Variants in NUPR1 observed in about 807,000 individuals in gnomAD.
NUPR1 encodes the protein nuclear protein 1.
Under a neutral mutation model 7.3 loss-of-function variants are expected in NUPR1, and 8 were observed. That is an observed-to-expected ratio of 1.09 (90% CI 0.64 to 1.97). The LOEUF is 1.97. Ranked by LOEUF, NUPR1 falls within the 30% of genes most tolerant of loss-of-function variation. NUPR1 has a pLI of 0.00. For missense variants in NUPR1, 96 were observed against 111.7 expected (o/e 0.86, Z 0.63); for synonymous variants, 39 against 44.5 (o/e 0.88, Z 0.49).
At chr16:28,538,318 A>T in intron 1 of NUPR1, 163 bp from the exon 2 acceptor site, 2 of 963,470 alleles carry the variant, frequency 2.1e-6, no homozygotes, top group Non-Finnish European at 3.1e-6. Context: ...GTGAGGTCCC[A>T]GGCTGAGTAA....
In NUPR1 at chr16:28,537,117, TTTCC is replaced by T. The variant is rs2046629180; in HGVS notation, c.*562_*565del. 6.6e-6 allele frequency: 1 copy of T among 152,220 alleles called. No homozygotes were observed. The highest frequency in any genetic ancestry group is 1.5e-5 in the Non-Finnish European group (1 of 68,072). The allele number at this position is 152,220 out of a possible 1,614,324, so 9.4% of individuals were successfully genotyped here. ...ATCGCAAAAAAGCAGAAGAAATTCC[TTTCC>T]ACTACGTAGGAGCCCACAGAAATGT... On this transcript the variant is annotated 3_prime_UTR_variant, in exon 3 of 3. Coordinates refer to ENST00000324873, the MANE Select transcript of NUPR1 (RefSeq NM_012385.3).
At chr16:28,537,817 T>C (rs930637922) in intron 2 of NUPR1, 148 bp from the exon 3 acceptor site, 2 of 558,752 alleles carry the variant, frequency 3.6e-6, no homozygotes, top group East Asian at 5.7e-5. Flanking sequence ...TTCCCTTCAA[T>C]TGGAAAGGTT....
chr16:28,538,524 A>C, intron 1 of NUPR1: 1 of 591,434 alleles, frequency 1.7e-6, no homozygotes, highest in Middle Eastern at 4.5e-4. Context: ...ACCCCATCTC[A>C]CCACTGCAGG....
intron 1 of NUPR1, chr16:28,538,448 G>A: frequency 3.5e-6 from 2 of 577,638 alleles, no homozygotes; most frequent in South Asian, 4.0e-5. Flanking sequence ...TCAGCACTTT[G>A]GGAGGCCAAG....
chr16:28,538,539 G>A (rs1363304936), intron 1 of NUPR1: 3 of 620,102 alleles, frequency 4.8e-6, no homozygotes, highest in Non-Finnish European at 5.8e-6. Context: ...TGCAGGTGGT[G>A]TACACCTGAA....
rs951460691 is a variant in NUPR1 at position 28,533,278 on chromosome 16, G to A, written c.*4405C>T. 7.9e-5 allele frequency: 12 copies of A among 151,252 alleles called. No individual in the cohort carries two copies. Among genetic ancestry groups the A allele is most frequent in the African/African-American group, 2.7e-4 (11 of 40,508 alleles). 9.4% of individuals were successfully genotyped at this position (151,252 alleles called of 1,614,324 possible). On this transcript the variant is annotated 3_prime_UTR_variant, in exon 3 of 3. Coordinates refer to ENST00000324873, the MANE Select transcript of NUPR1 (RefSeq NM_012385.3). ...AGGCAAAATCTGAAGGATTTCCAAG[G>A]TAGACTGTAAGATTCTGGGCCCAGG...
rs2046607917 is a variant in NUPR1, at chr16:28,535,555, C to CCTTCT, written c.*2127_*2128insAGAAG. The CCTTCT allele has an allele frequency of 3.3e-5, 1 of 30,274 alleles. No homozygotes were observed. Among genetic ancestry groups the CCTTCT allele is most frequent in the Non-Finnish European group, 8.8e-5 (1 of 11,408 alleles). The allele number at this position is 30,274 out of a possible 1,614,324, so 1.9% of individuals were successfully genotyped here. On this transcript the variant is annotated 3_prime_UTR_variant, in exon 3 of 3. Coordinates refer to ENST00000324873, the MANE Select transcript of NUPR1 (RefSeq NM_012385.3). ...TCTTTCTTTCTTTCCTTCTTTCTTT[C>CCTTCT]TTTCTTTCCTTCCTTCCTTTCTTTC...
Position 28,535,560 on chromosome 16 carries a change from T to TTCCTTCCTTCCTTCCTTCC in NUPR1, c.*2122_*2123insGGAAGGAAGGAAGGAAGGA, listed in dbSNP as rs2046608417. On this transcript the variant is annotated 3_prime_UTR_variant, in exon 3 of 3. Coordinates refer to ENST00000324873, the MANE Select transcript of NUPR1 (RefSeq NM_012385.3). ...CTTTCTTTCCTTCTTTCTTTCTTTC[T>TTCCTTCCTTCCTTCCTTCC]TTCCTTCCTTCCTTTCTTTCTTTCT... 15 of 64,284 alleles carry TTCCTTCCTTCCTTCCTTCC rather than the reference T, an allele frequency of 2.3e-4. No individual in the cohort carries two copies. The East Asian group carries it at 4.1e-3, about 18-fold the overall frequency. 4.0% of individuals were successfully genotyped at this position (64,284 alleles called of 1,614,324 possible).
At position 28,538,841 on chromosome 16, in the gene NUPR1, T is replaced by A; in HGVS notation, c.67A>T (p.Ser23Cys). Residue 23 changes from serine (S) to cysteine (C), a missense_variant, in exon 1 of 3, where the codon AGC becomes TGC. By Grantham distance (112) the Ser-to-Cys change is moderately radical. Coordinates refer to ENST00000324873, the MANE Select transcript of NUPR1 (RefSeq NM_012385.3). ...CTATAGAGGTCAGATTCATCCAGGCTGGAGTCCTCGTCCTCCGGGCCTGGG... is the reference window on the plus strand; with the variant it reads ...CTATAGAGGTCAGATTCATCCAGGCAGGAGTCCTCGTCCTCCGGGCCTGGG... ...QPPGPEDEDS[S>C]LDESDLYSLA... 6.2e-7 allele frequency: 1 copy of A among 1,613,248 alleles called. No individual in the cohort carries two copies. The highest frequency in any genetic ancestry group is 8.5e-7 in the Non-Finnish European group (1 of 1,179,764).
rs1555472511 is a variant in NUPR1 at position 28,535,513 on chromosome 16, T to TTCTTTCTTTC, written c.*2160_*2169dup. The TTCTTTCTTTC allele has an allele frequency of 3.0e-5, 2 of 65,766 alleles. No homozygotes were observed. The highest frequency in any genetic ancestry group is 1.1e-4 in the African/African-American group (2 of 18,402). 4.1% of individuals were successfully genotyped at this position (65,766 alleles called of 1,614,324 possible). Reference sequence around the variant, plus strand: ...TGCCGGGGCTCGCTCTTTTCTTTCTTTCTTTCTTTCTTTCTTTCTTTCTTT... The same window carrying TTCTTTCTTTC: ...TGCCGGGGCTCGCTCTTTTCTTTCTTTCTTTCTTTCTCTTTCTTTCTTTCTTTCTTTCTTT... On this transcript the variant is annotated 3_prime_UTR_variant, in exon 3 of 3. Coordinates refer to ENST00000324873, the MANE Select transcript of NUPR1 (RefSeq NM_012385.3).
chr16:28,538,813 A>G lies in NUPR1; in HGVS notation c.95T>C (p.Leu32Pro). 1 of 1,609,648 alleles carries G rather than the reference A, an allele frequency of 6.2e-7. No homozygotes were observed. The highest frequency in any genetic ancestry group is 8.5e-7 in the Non-Finnish European group (1 of 1,177,472). The part of the protein sequence containing the change: ...SSLDESDLYS[L>P]AHSYLGGGGR... ...GGCCTTACCGAGGTAGGAATGGGCC[A>G]GGCTATAGAGGTCAGATTCATCCAG... Residue 32 changes from leucine (L) to proline (P), a missense_variant, in exon 1 of 3, where the codon CTG becomes CCG. Physicochemically the swap from Leu to Pro is moderately conservative, Grantham distance 98 (BLOSUM62 -3). Transcript: ENST00000324873.
chr16:28,534,502 C>G lies in NUPR1; in HGVS notation c.*3181G>C, dbSNP rs1038600025. ...AAGGAAACAGGCTCTGCCCGGGGCC[C>G]AATCTCAGAGTTTTCTCCCCCGACA... On this transcript the variant is annotated 3_prime_UTR_variant, in exon 3 of 3. Transcript: ENST00000324873. The G allele has an allele frequency of 2.6e-5, 4 of 152,238 alleles. No individual in the cohort carries two copies. The highest frequency in any genetic ancestry group is 9.6e-5 in the African/African-American group (4 of 41,452). The allele number at this position is 152,238 out of a possible 1,614,324, so 9.4% of individuals were successfully genotyped here. A position where few individuals can be genotyped will look rare whatever the true frequency, so the allele number is the denominator to read the frequency against.
rs1470861946 is a variant in NUPR1, at chr16:28,535,526, TCTTTCTTTCTTTCTTTCC to T, written c.*2139_*2156del. 1.4e-5 allele frequency: 1 copy of T among 73,462 alleles called. No individual in the cohort carries two copies. Among genetic ancestry groups the T allele is most frequent in the African/African-American group, 4.7e-5 (1 of 21,470 alleles). 4.6% of individuals were successfully genotyped at this position (73,462 alleles called of 1,614,324 possible). On this transcript the variant is annotated 3_prime_UTR_variant, in exon 3 of 3. Transcript: ENST00000324873. ...TCTTTTCTTTCTTTCTTTCTTTCTT[TCTTTCTTTCTTTCTTTCC>T]TTCTTTCTTTCTTTCTTTCCTTCCT...
rs2046590755 is a variant in NUPR1, at chr16:28,532,820, A to G, written c.*4863T>C. The G allele has an allele frequency of 6.6e-6, 1 of 152,212 alleles. No individual in the cohort carries two copies. The highest frequency in any genetic ancestry group is 6.5e-5 in the Admixed American group (1 of 15,282). 9.4% of individuals were successfully genotyped at this position (152,212 alleles called of 1,614,324 possible). On this transcript the variant is annotated 3_prime_UTR_variant, in exon 3 of 3. Coordinates refer to ENST00000324873, the MANE Select transcript of NUPR1 (RefSeq NM_012385.3). Reference sequence around the variant, plus strand: ...AGATAGACCTGAGTTCATAATTCCAAGTCCTACAGGATGTGGCTGTGTGAC... The same window carrying G: ...AGATAGACCTGAGTTCATAATTCCAGGTCCTACAGGATGTGGCTGTGTGAC...
rs2046606110 is a variant in NUPR1, at chr16:28,535,528, T to TTTCTTTCTTTCTTTCTTTCTTTCC, written c.*2154_*2155insGGAAAGAAAGAAAGAAAGAAAGAA. 1.4e-5 allele frequency: 1 copy of TTTCTTTCTTTCTTTCTTTCTTTCC among 73,844 alleles called. No individual in the cohort carries two copies. Among genetic ancestry groups the TTTCTTTCTTTCTTTCTTTCTTTCC allele is most frequent in the Non-Finnish European group, 2.9e-5 (1 of 34,596 alleles). The allele number at this position is 73,844 out of a possible 1,614,324, so 4.6% of individuals were successfully genotyped here. The stretch of plus-strand genomic sequence containing the variant: ...TTTTCTTTCTTTCTTTCTTTCTTTC[T>TTTCTTTCTTTCTTTCTTTCTTTCC]TTCTTTCTTTCTTTCCTTCTTTCTT... On this transcript the variant is annotated 3_prime_UTR_variant, in exon 3 of 3. Transcript: ENST00000324873.
rs58048043 is a variant in NUPR1 at position 28,535,623 on chromosome 16, C to CTTTTTCTTCTT, written c.*2059_*2060insAAGAAGAAAAA. 2.2e-5 allele frequency: 2 copies of CTTTTTCTTCTT among 90,676 alleles called. No individual in the cohort carries two copies. The highest frequency in any genetic ancestry group is 4.1e-5 in the Non-Finnish European group (2 of 48,654). 5.6% of individuals were successfully genotyped at this position (90,676 alleles called of 1,614,324 possible). A position where few individuals can be genotyped will look rare whatever the true frequency, so the allele number is the denominator to read the frequency against. ...TTCTTTCTTTCTTTCTTTCTTTCTT[C>CTTTTTCTTCTT]TCTTTCTCTCTCTTTCTTCTTTTTC... On this transcript the variant is annotated 3_prime_UTR_variant, in exon 3 of 3. Coordinates refer to ENST00000324873, the MANE Select transcript of NUPR1 (RefSeq NM_012385.3).
chr16:28,535,511 C>CTTTCTTTCTTTCTTTCTTTCT lies in NUPR1; in HGVS notation c.*2151_*2171dup. 1.5e-5 allele frequency: 1 copy of CTTTCTTTCTTTCTTTCTTTCT among 64,654 alleles called. No homozygotes were observed. Among genetic ancestry groups the CTTTCTTTCTTTCTTTCTTTCT allele is most frequent in the Admixed American group, 2.0e-4 (1 of 5,040 alleles). The allele number at this position is 64,654 out of a possible 1,614,324, so 4.0% of individuals were successfully genotyped here. ...TGTGCCGGGGCTCGCTCTTTTCTTT[C>CTTTCTTTCTTTCTTTCTTTCT]TTTCTTTCTTTCTTTCTTTCTTTCT... On this transcript the variant is annotated 3_prime_UTR_variant, in exon 3 of 3. Coordinates refer to ENST00000324873, the MANE Select transcript of NUPR1 (RefSeq NM_012385.3).
In NUPR1 at chr16:28,533,953, T is replaced by TCTCAAC. The variant is rs1268893779; in HGVS notation, c.*3729_*3730insGTTGAG. 6.6e-6 allele frequency: 1 copy of TCTCAAC among 151,954 alleles called. No individual in the cohort carries two copies. The highest frequency in any genetic ancestry group is 6.6e-5 in the Admixed American group (1 of 15,234). 9.4% of individuals were successfully genotyped at this position (151,954 alleles called of 1,614,324 possible). A position where few individuals can be genotyped will look rare whatever the true frequency, so the allele number is the denominator to read the frequency against. On this transcript the variant is annotated 3_prime_UTR_variant, in exon 3 of 3. Coordinates refer to ENST00000324873, the MANE Select transcript of NUPR1 (RefSeq NM_012385.3). ...TTTGAGACCAGCCTGGGCAACATGG[T>TCTCAAC]GAAACCCCGTCTCTACTAAAAATAC...
chr16:28,535,503 TTTTCTTTCTTTC>T lies in NUPR1; in HGVS notation c.*2168_*2179del, dbSNP rs544177614. 2 of 98,556 alleles carry T rather than the reference TTTTCTTTCTTTC, an allele frequency of 2.0e-5. No homozygotes were observed. Among genetic ancestry groups the T allele is most frequent in the African/African-American group, 8.1e-5 (2 of 24,820 alleles). The allele number at this position is 98,556 out of a possible 1,614,324, so 6.1% of individuals were successfully genotyped here. On this transcript the variant is annotated 3_prime_UTR_variant, in exon 3 of 3. Transcript: ENST00000324873. ...TGAGCCACTGTGCCGGGGCTCGCTCTTTTCTTTCTTTCTTTCTTTCTTTCTTTCTTTCTTTCT... is the reference window on the plus strand; with the variant it reads ...TGAGCCACTGTGCCGGGGCTCGCTCTTTTCTTTCTTTCTTTCTTTCTTTCT...
Sources: allele counts gnomAD v4.1 joint callset, GRCh38; gene constraint gnomAD v4.1.1; transcripts MANE v1.5; gene names NCBI Gene and HGNC (gene_info 2026-07-23, HGNC 2026-07-21).